Variants in CNTNAP2 observed in about 807,000 individuals in gnomAD.
The protein encoded by CNTNAP2 is contactin associated protein 2.
A neutral mutation model predicts 155.2 loss-of-function variants in CNTNAP2; 98 were observed. The ratio of observed to expected loss-of-function variants is 0.63; its 90% CI spans 0.54 to 0.75. The LOEUF is 0.75. Among genes scored for constraint, CNTNAP2 ranks in the 30% least tolerant of loss-of-function variants. CNTNAP2 has a pLI of 0.00. For missense variants in CNTNAP2, 1,727 were observed against 1,688.1 expected (o/e 1.02, Z -0.40); for synonymous variants, 651 against 631.2 (o/e 1.03, Z -0.47).
intron 9 of CNTNAP2, among the ~76,000 whole-genome samples, chr7:147,372,542 G>A (rs1276062411): frequency 1.3e-5 from 2 of 152,048 alleles, no homozygotes; most frequent in Non-Finnish European, 2.9e-5. Context: ...AAGAGACATA[G>A]GTCAATTTTC....
chr7:147,382,901 CTTT>C (rs145315358), intron 9 of CNTNAP2, among the ~76,000 whole-genome samples: 4,998 of 152,230 alleles, frequency 0.033, 105 homozygotes, highest in South Asian at 0.045. Flanking sequence ...CCTTCTCAAA[CTTT>C]TTAATACTGC....
At chr7:146,865,460 T>C (rs1001822559) in intron 3 of CNTNAP2, among the ~76,000 whole-genome samples, 3 of 152,116 alleles carry the variant, frequency 2.0e-5, no homozygotes, top group Non-Finnish European at 4.4e-5. Context: ...AATATATAGA[T>C]GAAGAGTCCA....
intron 14 of CNTNAP2, among the ~76,000 whole-genome samples, chr7:147,922,679 C>T (rs1800305036): frequency 6.6e-6 from 1 of 152,200 alleles, no homozygotes; most frequent in South Asian, 2.1e-4. Flanking sequence ...CTACTCATAA[C>T]GTTTCTTGTG....
chr7:146,131,084 C>G (rs974954135), intron 1 of CNTNAP2, among the ~76,000 whole-genome samples: 2 of 152,180 alleles, frequency 1.3e-5, no homozygotes, highest in Non-Finnish European at 2.9e-5. Flanking sequence ...TGTTTCCAAT[C>G]TTTACATAGT....
chr7:148,147,506 C>T lies in CNTNAP2; in HGVS notation c.2570C>T (p.Ser857Phe), dbSNP rs200330677. 10 of 1,614,106 alleles carry T rather than the reference C, an allele frequency of 6.2e-6. No individual in the cohort carries two copies. The Admixed American group carries it at 6.7e-5, about 11-fold the overall frequency. Reference protein sequence around the residue: ...KLELKSATEVSFSFDVGNGPV... With the variant: ...KLELKSATEVFFSFDVGNGPV... ...GCTCCTCCAGCTGCCACAGAAGTGT[C>T]CTTTTCATTTGATGTGGGAAATGGG... is the stretch of plus-strand genomic sequence containing the variant. The change falls in exon 17 of 24, where the codon TCC (serine) becomes TTC (phenylalanine). Residue 857 changes from serine to phenylalanine, a missense_variant. By Grantham distance (155) the Ser-to-Phe change is radical. Transcript: ENST00000361727.
chr7:148,154,117 C>G (rs936781264), intron 17 of CNTNAP2, among the ~76,000 whole-genome samples: 32 of 152,220 alleles, frequency 2.1e-4, no homozygotes, highest in African/African-American at 7.7e-4. Context: ...GGAACCATCT[C>G]TTTTGTGCAG....
chr7:147,308,906 C>T (rs892016687), intron 9 of CNTNAP2, among the ~76,000 whole-genome samples: 2 of 152,148 alleles, frequency 1.3e-5, no homozygotes, highest in African/African-American at 4.8e-5. Flanking sequence ...AATTAAAATT[C>T]CAATCAGTCT....
At chr7:147,608,089 G>A (rs923374043) in intron 12 of CNTNAP2, among the ~76,000 whole-genome samples, 4 of 151,736 alleles carry the variant, frequency 2.6e-5, no homozygotes, top group South Asian at 2.1e-4. Context: ...CTAGAACAGT[G>A]CTTGGAATAA....
chr7:146,774,664 A>G (rs1198782520), intron 2 of CNTNAP2, among the ~76,000 whole-genome samples: 2 of 152,186 alleles, frequency 1.3e-5, no homozygotes, highest in African/African-American at 2.4e-5. Context: ...AAACGTTTAG[A>G]GTTAAAATTC....
intron 2 of CNTNAP2, among the ~76,000 whole-genome samples, chr7:146,823,152 G>T (rs1048043597): frequency 3.1e-5 from 4 of 128,036 alleles, no homozygotes; most frequent in East Asian, 2.4e-4. Flanking sequence ...TATTTACATG[G>T]AAATATACTC....
At chr7:146,820,760 G>A (rs1803264410) in intron 2 of CNTNAP2, among the ~76,000 whole-genome samples, 2 of 152,164 alleles carry the variant, frequency 1.3e-5, no homozygotes, top group Non-Finnish European at 2.9e-5. Flanking sequence ...AATGTTGACA[G>A]TGGGGTGTTA....
At chr7:147,813,324 A>G (rs1798211485) in intron 13 of CNTNAP2, among the ~76,000 whole-genome samples, 1 of 152,198 alleles carries the variant, frequency 6.6e-6, no homozygotes, top group Admixed American at 6.5e-5. Flanking sequence ...TGGCAAGTCA[A>G]TGGGATGGTT....
chr7:146,145,348 CA>C, intron 1 of CNTNAP2, among the ~76,000 whole-genome samples: 2 of 152,154 alleles, frequency 1.3e-5, no homozygotes, highest in Non-Finnish European at 2.9e-5. Context: ...CTCTTACTTC[CA>C]AATTAGACGA....
intron 15 of CNTNAP2, among the ~76,000 whole-genome samples, chr7:147,981,764 G>A (rs1312712575): frequency 6.7e-6 from 1 of 149,020 alleles, no homozygotes; most frequent in Non-Finnish European, 1.5e-5. Flanking sequence ...ATATAGTTCT[G>A]TGAAATGCTT....
chr7:146,593,941 A>G (rs943893769), intron 1 of CNTNAP2, among the ~76,000 whole-genome samples: 4 of 152,100 alleles, frequency 2.6e-5, no homozygotes, highest in Non-Finnish European at 4.4e-5. Flanking sequence ...CCCATGCTTC[A>G]TATCTGATCA....
At chr7:146,957,032 T>A (rs949137597) in intron 3 of CNTNAP2, among the ~76,000 whole-genome samples, 1 of 152,194 alleles carries the variant, frequency 6.6e-6, no homozygotes, top group African/African-American at 2.4e-5. Context: ...GTCATGTGTT[T>A]CTGAACAACC....
chr7:148,063,341 C>T (rs924852459), intron 15 of CNTNAP2, among the ~76,000 whole-genome samples: 1 of 152,032 alleles, frequency 6.6e-6, no homozygotes, highest in African/African-American at 2.4e-5. Context: ...ATTATCTCTT[C>T]AAATATTTTC....
Position 147,911,812 on chromosome 7 carries a change from T to C in CNTNAP2, c.2255+8091T>C, listed in dbSNP as rs184242893. 2.1e-3 allele frequency among the ~76,000 whole-genome samples: 314 copies of C among 152,294 alleles called. 3 individuals carry two copies. The highest frequency in any genetic ancestry group is 9.7e-3 in the South Asian group (47 of 4,826). On this transcript the variant is annotated intron_variant, in intron 14 of 23. Transcript: ENST00000361727. Reference sequence around the variant, plus strand: ...CCCCCTTTTTAAGATGGAATAATATTCCATTGTGTGGGTAGAATACATTTT... The same window carrying C: ...CCCCCTTTTTAAGATGGAATAATATCCCATTGTGTGGGTAGAATACATTTT...
chr7:146,595,217 C>G (rs17515570), intron 1 of CNTNAP2, among the ~76,000 whole-genome samples: 8,333 of 152,018 alleles, frequency 0.055, 333 homozygotes, highest in Non-Finnish European at 0.088. Context: ...ATTATAGACC[C>G]GTGTTATCAA....
Sources: gnomAD v4.1 joint callset for allele counts (sites outside exome capture counted in the v4.1 genomes callset) on GRCh38, gnomAD v4.1.1 for gene constraint, MANE v1.5 for transcripts, NCBI Gene and HGNC (gene_info 2026-07-23, HGNC 2026-07-21) for gene names.